The following OPCML variants were observed in gnomAD, a reference collection of about 807,000 sequenced individuals.
OPCML encodes opioid-binding protein/cell adhesion molecule.
A neutral mutation model predicts 37.8 loss-of-function variants in OPCML; 13 were observed. The observed-to-expected ratio is 0.34, with a 90% CI of 0.22 to 0.55. The LOEUF is 0.55. Among genes scored for constraint, OPCML ranks in the 20% least tolerant of loss-of-function variants. The pLI is 0.91. For missense variants in OPCML, 341 were observed against 435.6 expected (o/e 0.78, Z 1.93); for synonymous variants, 176 against 168.8 (o/e 1.04, Z -0.33).
At chr11:132,804,181 A>G (rs1224850639) in intron 2 of OPCML, among the ~76,000 whole-genome samples, 1 of 152,208 alleles carries the variant, frequency 6.6e-6, no homozygotes, top group Non-Finnish European at 1.5e-5. Flanking sequence ...TCCCAACCAC[A>G]TTGCAGGAAG....
intron 1 of OPCML, among the ~76,000 whole-genome samples, chr11:133,358,674 G>A (rs911267763): frequency 6.6e-6 from 1 of 152,174 alleles, no homozygotes; most frequent in East Asian, 1.9e-4. Context: ...TACAAATTGG[G>A]CAGTGCTAGG....
At chr11:132,741,300 T>C (rs978126150) in intron 2 of OPCML, among the ~76,000 whole-genome samples, 1 of 152,204 alleles carries the variant, frequency 6.6e-6, no homozygotes, top group Non-Finnish European at 1.5e-5. Context: ...AACAGGCTCA[T>C]TGGTAAACCA....
chr11:133,358,314 G>A (rs1186182865), intron 1 of OPCML, among the ~76,000 whole-genome samples: 2 of 152,078 alleles, frequency 1.3e-5, no homozygotes, highest in Non-Finnish European at 2.9e-5. Context: ...ATTCTATTTT[G>A]TATTCACAGC....
intron 3 of OPCML, among the ~76,000 whole-genome samples, chr11:132,588,424 T>C (rs773191253): frequency 1.2e-4 from 18 of 152,054 alleles, no homozygotes; most frequent in Non-Finnish European, 1.6e-4. Flanking sequence ...AAAATAAAAA[T>C]GATCAATCAT....
rs115650951 is a variant in OPCML at position 133,478,895 on chromosome 11, G to T, written c.61+53369C>A. 2.3e-3 allele frequency among the ~76,000 whole-genome samples: 350 copies of T among 151,782 alleles called. 1 individual carries two copies. Among genetic ancestry groups the T allele is most frequent in the African/African-American group, 7.8e-3 (323 of 41,216 alleles). On this transcript the variant is annotated intron_variant, in intron 1 of 7. Coordinates refer to ENST00000524381, the MANE Select transcript of OPCML (RefSeq NM_001012393.5). ...TGGAGCTGTGGCACCTGAGGCACCA[G>T]AGTTAAATAAAGAAACAAGTCACGC...
chr11:132,533,255 A>G (rs2096331194), intron 3 of OPCML, among the ~76,000 whole-genome samples: 1 of 152,182 alleles, frequency 6.6e-6, no homozygotes, highest in South Asian at 2.1e-4. Context: ...GGGCCTTTGC[A>G]TAGATTGTGC....
chr11:133,423,617 C>T (rs1180493301), intron 1 of OPCML, among the ~76,000 whole-genome samples: 2 of 152,138 alleles, frequency 1.3e-5, no homozygotes, highest in East Asian at 1.9e-4. Flanking sequence ...GAATAAACAC[C>T]TTTGCTGAGT....
intron 3 of OPCML, among the ~76,000 whole-genome samples, chr11:132,604,344 T>A (rs964183456): frequency 1.3e-5 from 2 of 151,978 alleles, no homozygotes; most frequent in African/African-American, 4.8e-5. Context: ...TTCCCTTACA[T>A]CTATTTGCCC....
intron 1 of OPCML, among the ~76,000 whole-genome samples, chr11:133,091,179 T>A (rs1004100379): frequency 6.6e-6 from 1 of 152,188 alleles, no homozygotes; most frequent in Admixed American, 6.5e-5. Context: ...AGTGGTCAGC[T>A]TTGGTGGTGT....
At chr11:132,632,880 A>G (rs1461303248) in intron 3 of OPCML, among the ~76,000 whole-genome samples, 1 of 152,002 alleles carries the variant, frequency 6.6e-6, no homozygotes. Context: ...GATGATAAAG[A>G]AACATGACTA....
chr11:132,898,840 C>A (rs1001681558), intron 2 of OPCML, among the ~76,000 whole-genome samples: 2 of 150,736 alleles, frequency 1.3e-5, no homozygotes, highest in Non-Finnish European at 2.9e-5. Context: ...TTTAGACTGC[C>A]CCCCCCACCC....
intron 3 of OPCML, among the ~76,000 whole-genome samples, chr11:132,536,692 C>CT (rs2096341779): frequency 6.6e-6 from 1 of 152,128 alleles, no homozygotes; most frequent in South Asian, 2.1e-4. Flanking sequence ...CTGGGGCTAC[C>CT]TTTTTGCATT....
intron 1 of OPCML, among the ~76,000 whole-genome samples, chr11:133,217,004 G>T (rs1224496027): frequency 6.6e-6 from 1 of 152,146 alleles, no homozygotes; most frequent in Non-Finnish European, 1.5e-5. Flanking sequence ...AGCTAAGCAG[G>T]ACATGTGGCT....
intron 1 of OPCML, among the ~76,000 whole-genome samples, chr11:133,119,995 TC>T (rs1949396427): frequency 6.6e-6 from 1 of 152,232 alleles, no homozygotes; most frequent in Non-Finnish European, 1.5e-5. Flanking sequence ...TCTAGGTCCA[TC>T]TTTTTATGCC....
chr11:132,435,119 T>C (rs181963228), intron 7 of OPCML: 77 of 1,171,498 alleles, frequency 6.6e-5, no homozygotes, highest in Non-Finnish European at 8.3e-5. Flanking sequence ...GGCATAGGCA[T>C]TCAGGCAGGC....
chr11:132,934,216 G>A (rs1032345216), intron 2 of OPCML, among the ~76,000 whole-genome samples: 7 of 152,164 alleles, frequency 4.6e-5, no homozygotes, highest in Admixed American at 3.3e-4. Flanking sequence ...AGGCCAGTCA[G>A]AGCGGGGTTA....
At chr11:132,835,111 T>G (rs558516194) in intron 2 of OPCML, among the ~76,000 whole-genome samples, 6 of 152,188 alleles carry the variant, frequency 3.9e-5, no homozygotes, top group African/African-American at 1.4e-4. Context: ...CTGAGGAGGA[T>G]TGATTCATGC....
chr11:132,950,327 A>G (rs1472252576), intron 1 of OPCML, among the ~76,000 whole-genome samples: 3 of 152,194 alleles, frequency 2.0e-5, no homozygotes, highest in Admixed American at 6.5e-5. Flanking sequence ...TGAGGGGTGC[A>G]TTCCTGAAGA....
At chr11:133,030,385 C>T (rs1947644383) in intron 1 of OPCML, among the ~76,000 whole-genome samples, 1 of 152,196 alleles carries the variant, frequency 6.6e-6, no homozygotes, top group Non-Finnish European at 1.5e-5. Context: ...TAATGTAGAA[C>T]TTAACCCTGA....
Sources: allele counts gnomAD v4.1 joint callset (sites outside exome capture counted in the v4.1 genomes callset), GRCh38; gene constraint gnomAD v4.1.1; transcripts MANE v1.5; gene names NCBI Gene and HGNC (gene_info 2026-07-23, HGNC 2026-07-21).